CLPSL1: variants seen among roughly 807,000 people sequenced by gnomAD.
CLPSL1 encodes the protein colipase-like protein 1.
In CLPSL1, 13 loss-of-function variants were observed where a neutral mutation model predicts 9.3. The observed-to-expected ratio is 1.40, with a 90% confidence interval of 0.91 to 2.22. The LOEUF is 2.22. Among genes scored for constraint, CLPSL1 ranks in the 30% most tolerant of loss-of-function variants. The pLI, the probability that CLPSL1 is intolerant of heterozygous loss-of-function variation, is 0.00. For synonymous variants in CLPSL1, 58 were observed against 56.9 expected, an observed-to-expected ratio of 1.02 and a Z score of -0.08; for missense variants, 164 against 146.6, an observed-to-expected ratio of 1.12 and a Z score of -0.61.
At chr6:35,793,029 T>A (rs1434932788), downstream of CLPSL1, among the ~76,000 whole-genome samples, 1 of 152,278 alleles carries the variant, frequency 6.6e-6, no homozygotes, top group Admixed American at 6.5e-5. Flanking sequence ...TTATTCCCTT[T>A]GCTTTCCCAG....
At chr6:35,783,806 C>CA (rs778575275) in intron 1 of CLPSL1, among the ~76,000 whole-genome samples, 13,212 of 105,942 alleles carry the variant, frequency 0.12, 1,049 homozygotes, top group African/African-American at 0.24. Context: ...ACTCTATCTC[C>CA]AAAAAAAAAA....
chr6:35,787,588 T>G (rs544932871), intron 2 of CLPSL1, among the ~76,000 whole-genome samples: 2 of 152,330 alleles, frequency 1.3e-5, no homozygotes, highest in Admixed American at 1.3e-4. Flanking sequence ...AGACAAGACA[T>G]AGAGGTCCTG....
At chr6:35,787,502 G>A (rs1768107034) in intron 2 of CLPSL1, among the ~76,000 whole-genome samples, 1 of 152,272 alleles carries the variant, frequency 6.6e-6, no homozygotes, top group South Asian at 2.1e-4. Context: ...GGGTGTTCCT[G>A]GTGGAGGATG....
At position 35,781,134 on chromosome 6, in the gene CLPSL1, G is replaced by T; in HGVS notation, c.24G>T (p.Leu8=). Residue 8 remains leucine, a synonymous_variant, in exon 1 of 3, where the codon CTG becomes CTT. Coordinates refer to ENST00000373861, the MANE Select transcript of CLPSL1 (RefSeq NM_001010886.5). MMLPQWL[L]LLFLLFFFLF... ...CCATGATGCTACCCCAATGGCTGCT[G>T]CTGCTGTTCCTTCTCTTCTTCTTTC... 6.2e-7 allele frequency: 1 copy of T among 1,614,054 alleles called. No homozygotes were observed. The highest frequency in any genetic ancestry group is 8.5e-7 in the Non-Finnish European group (1 of 1,179,942).
downstream of CLPSL1, chr6:35,793,767 G>A (rs1181680210): frequency 5.6e-6 from 2 of 357,482 alleles, no homozygotes; most frequent in African/African-American, 2.1e-5. Flanking sequence ...AGAACTGCAA[G>A]ATCCTGGGGC....
chr6:35,788,581 C>T (rs1373860164), downstream of CLPSL1, among the ~76,000 whole-genome samples: 1 of 134,678 alleles, frequency 7.4e-6, no homozygotes, highest in Non-Finnish European at 1.6e-5. Context: ...CTGTTATCAC[C>T]TCTGTTTTAC....
At chr6:35,784,626 G>A (rs1281294057) in intron 1 of CLPSL1, among the ~76,000 whole-genome samples, 2 of 152,218 alleles carry the variant, frequency 1.3e-5, no homozygotes, top group East Asian at 3.9e-4. Flanking sequence ...CAAGCCAGGT[G>A]TGGTGGTTCA....
In CLPSL1 at chr6:35,781,084, T is replaced by C. The variant is rs1767957109; in HGVS notation, c.-27T>C. 6.2e-7 allele frequency: 1 copy of C among 1,612,316 alleles called. No homozygotes were observed. The highest frequency in any genetic ancestry group is 1.3e-5 in the African/African-American group (1 of 74,850). ...GCGTGCAGGATATTTCGCTGGACCC[T>C]AGAAAAGCCACCACGACCTGTGGGC... On this transcript the variant is annotated 5_prime_UTR_variant, in exon 1 of 3. The change abolishes the stop of an existing upstream ORF in the 5' untranslated region. Transcript: ENST00000373861.
downstream of CLPSL1, among the ~76,000 whole-genome samples, chr6:35,791,370 G>A (rs965067357): frequency 6.6e-6 from 1 of 152,240 alleles, no homozygotes; most frequent in African/African-American, 2.4e-5. Context: ...TAGCACTTTG[G>A]GAGGCTGAGG....
chr6:35,782,671 T>G (rs1423028734), intron 1 of CLPSL1, among the ~76,000 whole-genome samples: 1 of 152,102 alleles, frequency 6.6e-6, no homozygotes, highest in Non-Finnish European at 1.5e-5. Context: ...AGGTGTGGAT[T>G]CAGAGCCCCA....
chr6:35,791,742 G>A (rs182617019), downstream of CLPSL1, among the ~76,000 whole-genome samples: 4 of 152,226 alleles, frequency 2.6e-5, no homozygotes, highest in South Asian at 8.3e-4. Context: ...ACCAGTGTGG[G>A]CATCATGGTG....
intron 1 of CLPSL1, chr6:35,793,406 CAA>C: frequency 4.6e-6 from 2 of 431,416 alleles, no homozygotes; most frequent in Non-Finnish European, 9.1e-6. Context: ...GCTTGGGCAA[CAA>C]GAGCAAAACT....
intron 1 of CLPSL1, chr6:35,793,425 C>T (rs1469294748): frequency 6.3e-6 from 2 of 319,626 alleles, no homozygotes; most frequent in Non-Finnish European, 1.3e-5. Context: ...AACTCTGTCT[C>T]AAAAAAAAAA....
intron 1 of CLPSL1, 35 bp from the exon 2 acceptor site, chr6:35,786,963 G>T: frequency 1.9e-6 from 3 of 1,554,124 alleles, no homozygotes; most frequent in Non-Finnish European, 1.7e-6. Flanking sequence ...GAAGGCGGGC[G>T]GTGGAGCCTG....
At chr6:35,787,163 A>G in intron 2 of CLPSL1, 43 bp downstream of exon 2, 1 of 1,602,778 alleles carries the variant, frequency 6.2e-7, no homozygotes, top group Non-Finnish European at 8.5e-7. Context: ...GATCCAGGGG[A>G]AGTGGGAGCC....
At chr6:35,782,036 G>A (rs1174210212) in intron 1 of CLPSL1, among the ~76,000 whole-genome samples, 1 of 152,172 alleles carries the variant, frequency 6.6e-6, no homozygotes, top group African/African-American at 2.4e-5. Context: ...ACAGGCGTAA[G>A]CCACCGCACC....
At chr6:35,785,323 A>G (rs982079690) in intron 1 of CLPSL1, among the ~76,000 whole-genome samples, 1 of 151,394 alleles carries the variant, frequency 6.6e-6, no homozygotes, top group African/African-American at 2.4e-5. Flanking sequence ...GACTACAGGC[A>G]CCCGCCACCA....
chr6:35,789,730 C>A (rs576800771), downstream of CLPSL1, among the ~76,000 whole-genome samples: 3 of 152,186 alleles, frequency 2.0e-5, no homozygotes, highest in Admixed American at 1.3e-4. Flanking sequence ...CCCATCTGTA[C>A]TAAAAATACA....
At chr6:35,787,303 G>A (rs1768102289) in intron 2 of CLPSL1, among the ~76,000 whole-genome samples, 183 bp downstream of exon 2, 1 of 152,272 alleles carries the variant, frequency 6.6e-6, no homozygotes, top group South Asian at 2.1e-4. Context: ...CAATATGGTA[G>A]CCCACCCTAG....
Sources: allele counts gnomAD v4.1 joint callset (sites outside exome capture counted in the v4.1 genomes callset), GRCh38; gene constraint gnomAD v4.1.1; transcripts MANE v1.5; gene names NCBI Gene and HGNC (gene_info 2026-07-23, HGNC 2026-07-21).